Variants in CEP350 observed in about 807,000 individuals in gnomAD.
CEP350 encodes centrosomal protein 350, also known as centrosome-associated protein 350.
In CEP350, 126 loss-of-function variants were observed where a neutral mutation model predicts 331.8. The observed-to-expected ratio is 0.38, with a 90% CI of 0.33 to 0.44. The LOEUF (loss-of-function observed/expected upper bound fraction) is 0.44, where lower values mean the gene tolerates loss of function less well. CEP350 is among the 20% of genes least tolerant of loss of function. CEP350 has a pLI of 1.00. For missense variants in CEP350, 3,406 were observed against 3,634.6 expected (o/e 0.94, Z 1.62); for synonymous variants, 1,200 against 1,259.5 (o/e 0.95, Z 1.00).
At chr1:180,045,730 G>C (rs1196480592) in intron 21 of CEP350, among the ~76,000 whole-genome samples, 1 of 152,152 alleles carries the variant, frequency 6.6e-6, no homozygotes, top group Admixed American at 6.5e-5. Flanking sequence ...ATGGTAACCA[G>C]AGTGATTTTT....
At chr1:180,044,255 A>T (rs1440831694) in intron 21 of CEP350, 82 bp downstream of exon 21, 11 of 1,331,628 alleles carry the variant, frequency 8.3e-6, no homozygotes, top group Non-Finnish European at 9.9e-6. Context: ...TTGATTTCTT[A>T]ATCTTGTTTA....
chr1:180,050,707 A>G (rs1657444540), intron 22 of CEP350, among the ~76,000 whole-genome samples: 2 of 151,712 alleles, frequency 1.3e-5, no homozygotes, highest in East Asian at 1.9e-4. Flanking sequence ...AACCTCAATA[A>G]TAGGAAAAAC....
At position 180,094,208 on chromosome 1, in the gene CEP350, A is replaced by G; in HGVS notation, c.8103A>G (p.Thr2701=). ...AATTGGAGAAGCAACAGCAGTTTACAGAAGAGGAAGACAACCTATATGCTG... is the reference window on the plus strand; with the variant it reads ...AATTGGAGAAGCAACAGCAGTTTACGGAAGAGGAAGACAACCTATATGCTG... ...SEELEKQQQF[T]EEEDNLYAEA... The change falls in exon 34 of 38, where the codon ACA becomes ACG. Residue 2701 remains threonine, a synonymous_variant. Coordinates refer to ENST00000367607, the MANE Select transcript of CEP350 (RefSeq NM_014810.5). 6.2e-7 allele frequency: 1 copy of G among 1,613,352 alleles called. No individual in the cohort carries two copies. Among genetic ancestry groups the G allele is most frequent in the Non-Finnish European group, 8.5e-7 (1 of 1,179,554 alleles).
chr1:180,109,726 C>G (rs531124228), intron 37 of CEP350, among the ~76,000 whole-genome samples: 16 of 152,280 alleles, frequency 1.1e-4, no homozygotes, highest in African/African-American at 3.9e-4. Flanking sequence ...ACCTCCGCCC[C>G]CTGGGTTCAA....
At chr1:180,030,292 C>A (rs1655936001) in intron 14 of CEP350, among the ~76,000 whole-genome samples, 1 of 121,524 alleles carries the variant, frequency 8.2e-6, no homozygotes, top group African/African-American at 3.1e-5. Context: ...TATATATACA[C>A]ATAAGTATAT....
At chr1:179,998,315 T>C (rs1653618944) in intron 6 of CEP350, among the ~76,000 whole-genome samples, 2 of 148,318 alleles carry the variant, frequency 1.3e-5, no homozygotes, top group African/African-American at 4.9e-5. Flanking sequence ...TTTTTTTTTT[T>C]TTTTTTTTTT....
intron 32 of CEP350, among the ~76,000 whole-genome samples, chr1:180,089,498 G>A (rs1432093623): frequency 6.6e-6 from 1 of 151,400 alleles, no homozygotes; most frequent in Non-Finnish European, 1.5e-5. Flanking sequence ...CAGGAGCATC[G>A]CTTGAACCCG....
chr1:180,015,201 T>C (rs556942045), intron 10 of CEP350, among the ~76,000 whole-genome samples: 1 of 149,436 alleles, frequency 6.7e-6, no homozygotes, highest in Non-Finnish European at 1.5e-5. Context: ...CCACCATGCC[T>C]AGGAAATTGT....
rs372469453 is a variant in CEP350, at chr1:180,052,977, G to A, written c.4800G>A (p.Thr1600=). 42 of 1,272,886 alleles carry A rather than the reference G, an allele frequency of 3.3e-5. No individual in the cohort carries two copies. Among genetic ancestry groups the A allele is most frequent in the Admixed American group, 2.5e-4 (13 of 52,658 alleles). The allele number at this position is 1,272,886 out of a possible 1,614,324, so 78.8% of individuals were successfully genotyped here. The change falls in exon 23 of 38, where the codon ACG becomes ACA. Residue 1600 remains threonine, a synonymous_variant. Coordinates refer to ENST00000367607, the MANE Select transcript of CEP350 (RefSeq NM_014810.5). ...TTCTCCATATTCTTTTAGACTCAACGTCTATTGCAACAGAATATTCTCTGA... is the reference window on the plus strand; with the variant it reads ...TTCTCCATATTCTTTTAGACTCAACATCTATTGCAACAGAATATTCTCTGA... ...VPSLPDEKDS[T]SIATEYSLKF...
intron 25 of CEP350, among the ~76,000 whole-genome samples, chr1:180,057,468 T>C (rs1571934629): frequency 6.6e-6 from 1 of 152,004 alleles, no homozygotes; most frequent in East Asian, 1.9e-4. Context: ...CTTCCCTGTC[T>C]GCTTGTATGT....
intron 14 of CEP350, among the ~76,000 whole-genome samples, chr1:180,029,645 CAACCA>C (rs1487499808): frequency 6.6e-6 from 1 of 152,144 alleles, no homozygotes; most frequent in Non-Finnish European, 1.5e-5. Context: ...TCAGTTCTGG[CAACCA>C]CCATTCTAAC....
intron 3 of CEP350, 46 bp downstream of exon 3, chr1:179,987,332 A>G (rs770447017): frequency 2.8e-6 from 3 of 1,070,690 alleles, no homozygotes; most frequent in Non-Finnish European, 4.2e-6. Flanking sequence ...ATTAAAATCA[A>G]TTTCCTGTTA....
rs780656380 is a variant in CEP350 at position 180,056,379 on chromosome 1, A to G, written c.5262+1877A>G. 1.8e-4 allele frequency among the ~76,000 whole-genome samples: 27 copies of G among 147,588 alleles called. No individual in the cohort carries two copies. The South Asian group carries it at 2.2e-3, about 12-fold the overall frequency. On this transcript the variant is annotated intron_variant, in intron 25 of 37. Coordinates refer to ENST00000367607, the MANE Select transcript of CEP350 (RefSeq NM_014810.5). Reference sequence around the variant, plus strand: ...GCGTGGTTTCCTTTGTATCTATCCTATTTAGGATTTGCTGAGCTTCTTGTA... The same window carrying G: ...GCGTGGTTTCCTTTGTATCTATCCTGTTTAGGATTTGCTGAGCTTCTTGTA...
In CEP350 at chr1:180,032,525, C is replaced by T. The variant is rs567284706; in HGVS notation, c.3725+1031C>T. ...AGCCAAATAAGTTTCATCAATGCCC[C>T]ATACTGCAATCTAGATTTCCCCTTC... On this transcript the variant is annotated intron_variant, in intron 15 of 37. Coordinates refer to ENST00000367607, the MANE Select transcript of CEP350 (RefSeq NM_014810.5). Among the ~76,000 whole-genome samples, 7 of 152,090 alleles carry T rather than the reference C, an allele frequency of 4.6e-5. No homozygotes were observed. The South Asian group carries it at 6.2e-4, about 14-fold the overall frequency.
Position 180,095,788 on chromosome 1 carries a change from T to G in CEP350, c.8777T>G (p.Leu2926Arg), listed in dbSNP as rs1198014791. Reference protein sequence around the residue: ...VPHTAEEVEILVHNAAEELWK... With the variant: ...VPHTAEEVEIRVHNAAEELWK... ...CATACTGCAGAAGAAGTAGAGATTC[T>G]TGTACATAATGCAGCAGAAGAACTT... The change falls in exon 35 of 38, where the codon CTT becomes CGT. Residue 2926 changes from leucine to arginine, a missense_variant. Around this residue, in one of 5 missense-constraint regions of CEP350, gnomAD observed 1,415 missense variants for 1,512.3 expected, o/e 0.94. Transcript: ENST00000367607. The G allele has an allele frequency of 6.2e-7, 1 of 1,613,960 alleles. No homozygotes were observed. Among genetic ancestry groups the G allele is most frequent in the Admixed American group, 1.7e-5 (1 of 60,020 alleles).
At chr1:180,105,229 C>A (rs1035070332) in intron 37 of CEP350, among the ~76,000 whole-genome samples, 1 of 152,022 alleles carries the variant, frequency 6.6e-6, no homozygotes, top group African/African-American at 2.4e-5. Context: ...TCTGCTCCCT[C>A]ACTGGCTGCT....
At chr1:180,041,531 C>T in intron 18 of CEP350, 131 bp from the exon 19 acceptor site, 1 of 925,898 alleles carries the variant, frequency 1.1e-6, no homozygotes, top group Non-Finnish European at 1.6e-6. Context: ...AGACTTAAAC[C>T]ATGAAATCCA....
rs1657611477 is a variant in CEP350, at chr1:180,053,101, A to AG, written c.4925dup (p.Gly1643ArgfsTer4). ...CCGCAGATTTAACATGGAAAAGAGA[A>AG]GAGGTCATCATGATGACTCTGATGA... On this transcript the variant is annotated frameshift_variant, in exon 23 of 38. Coordinates refer to ENST00000367607, the MANE Select transcript of CEP350 (RefSeq NM_014810.5). LOFTEE classifies it high-confidence loss of function. 1 of 1,609,450 alleles carries AG rather than the reference A, an allele frequency of 6.2e-7. No homozygotes were observed. The highest frequency in any genetic ancestry group is 8.5e-7 in the Non-Finnish European group (1 of 1,177,294).
intron 1 of CEP350, among the ~76,000 whole-genome samples, chr1:179,978,672 C>A (rs1306856649): frequency 2.6e-5 from 4 of 152,064 alleles, no homozygotes; most frequent in Non-Finnish European, 5.9e-5. Context: ...CTTAACATAA[C>A]GTCCTCCAGG....
Sources: gnomAD v4.1 joint callset for allele counts (sites outside exome capture counted in the v4.1 genomes callset) on GRCh38, gnomAD v4.1.1 for gene constraint, gnomAD v4.1.1 regional missense constraint, MANE v1.5 for transcripts, NCBI Gene and HGNC (gene_info 2026-07-23, HGNC 2026-07-21) for gene names.